SYT16: variants seen among roughly 807,000 people sequenced by gnomAD.
SYT16 encodes synaptotagmin 16, also known as synaptotagmin-16.
A neutral mutation model predicts 61.4 loss-of-function variants in SYT16; 42 were observed. That is an observed-to-expected ratio of 0.68 (90% CI 0.53 to 0.89). SYT16 has a LOEUF of 0.89. Ranked by LOEUF, SYT16 falls within the 40% of genes least tolerant of loss-of-function variation. The pLI is 0.00. For missense variants in SYT16, 804 were observed against 807.3 expected (o/e 1.00, Z 0.05); for synonymous variants, 314 against 302.3 (o/e 1.04, Z -0.40).
In SYT16 at chr14:61,856,552, T is replaced by G. The variant is rs1266080637; in HGVS notation, c.-325+43742T>G. Reference sequence around the variant, plus strand: ...AGAAACTGGAGGGCAGGAGATGCCATAAATTTAGAGGGGAAGACTGTGGAA... The same window carrying G: ...AGAAACTGGAGGGCAGGAGATGCCAGAAATTTAGAGGGGAAGACTGTGGAA... On this transcript the variant is annotated intron_variant, in intron 1 of 7. Transcript: ENST00000683842. Among the ~76,000 whole-genome samples, 3 of 152,170 alleles carry G rather than the reference T, an allele frequency of 2.0e-5. No homozygotes were observed. The East Asian group carries it at 5.8e-4, about 29-fold the overall frequency.
In SYT16 at chr14:62,075,247, C is replaced by T. The variant is rs183139358; in HGVS notation, c.849C>T (p.His283=). 1.3e-4 allele frequency: 217 copies of T among 1,613,826 alleles called. No individual in the cohort carries two copies. The African/African-American group carries it at 1.8e-3, about 13-fold the overall frequency. The change falls in exon 5 of 8, where the codon CAC becomes CAT. Residue 283 remains histidine, a synonymous_variant. Transcript: ENST00000683842. ...SPCERGDAKH[H]GTSHQESSVV... ...GTGAAAGAGGGGATGCCAAACACCA[C>T]GGCACATCTCACCAAGAGTCCAGTG...
At chr14:61,953,380 T>G (rs2050745957) in intron 1 of SYT16, among the ~76,000 whole-genome samples, 1 of 152,178 alleles carries the variant, frequency 6.6e-6, no homozygotes, top group South Asian at 2.1e-4. Flanking sequence ...AAATTTTTTT[T>G]TTTAATCTCC....
intron 3 of SYT16, among the ~76,000 whole-genome samples, chr14:62,047,268 C>G (rs77274241): frequency 6.6e-6 from 1 of 152,132 alleles, no homozygotes; most frequent in African/African-American, 2.4e-5. Flanking sequence ...TGATTTGGCT[C>G]TCTGTTTGTC....
At chr14:62,091,085 T>C (rs1279402111) in intron 7 of SYT16, among the ~76,000 whole-genome samples, 1 of 152,134 alleles carries the variant, frequency 6.6e-6, no homozygotes, top group Non-Finnish European at 1.5e-5. Flanking sequence ...TCAAATCATA[T>C]CACATGGTAT....
chr14:62,037,517 C>G (rs1160419541), intron 3 of SYT16, among the ~76,000 whole-genome samples: 6 of 152,104 alleles, frequency 3.9e-5, no homozygotes, highest in African/African-American at 1.4e-4. Flanking sequence ...AAAAACCAAA[C>G]CATCTAAAAC....
chr14:61,851,976 C>G (rs1378490413), intron 1 of SYT16, among the ~76,000 whole-genome samples: 1 of 152,124 alleles, frequency 6.6e-6, no homozygotes, highest in Non-Finnish European at 1.5e-5. Context: ...AAATCTTTGC[C>G]AATGCCTATA....
intron 1 of SYT16, among the ~76,000 whole-genome samples, chr14:61,949,599 G>T (rs2050588193): frequency 6.6e-6 from 1 of 152,136 alleles, no homozygotes; most frequent in Non-Finnish European, 1.5e-5. Context: ...TGAGACTATA[G>T]ATGCTCACCA....
At chr14:61,819,273 AATG>A (rs1361279789) in intron 1 of SYT16, among the ~76,000 whole-genome samples, 1 of 152,206 alleles carries the variant, frequency 6.6e-6, no homozygotes, top group Non-Finnish European at 1.5e-5. Flanking sequence ...TAGCATTATG[AATG>A]ATAAGATGGC....
At chr14:62,081,889 G>A (rs1196342200) in intron 6 of SYT16, among the ~76,000 whole-genome samples, 1 of 152,160 alleles carries the variant, frequency 6.6e-6, no homozygotes, top group Non-Finnish European at 1.5e-5. Flanking sequence ...AGGGAGCTCT[G>A]TAGGCTCTGG....
At chr14:61,872,504 T>A (rs564992061) in intron 1 of SYT16, among the ~76,000 whole-genome samples, 1 of 152,356 alleles carries the variant, frequency 6.6e-6, no homozygotes, top group East Asian at 1.9e-4. Flanking sequence ...AAGTCTTGAT[T>A]TGAAACATGT....
chr14:61,843,368 G>A (rs1264677337), intron 1 of SYT16, among the ~76,000 whole-genome samples: 2 of 152,136 alleles, frequency 1.3e-5, no homozygotes, highest in African/African-American at 4.8e-5. Flanking sequence ...TCTTAACTTT[G>A]TTGATTGTTT....
chr14:61,927,417 A>G lies in SYT16; in HGVS notation c.-324-42715A>G, dbSNP rs138094299. Among the ~76,000 whole-genome samples the G allele has an allele frequency of 6.6e-5, 10 of 152,334 alleles. No homozygotes were observed. The East Asian group carries it at 7.7e-4, about 12-fold the overall frequency. On this transcript the variant is annotated intron_variant, in intron 1 of 7. Transcript: ENST00000683842. Reference sequence around the variant, plus strand: ...GAAAGCACTTTTTTTATTAACCAAAATATTTATGGCCAGAGTCTGAGTTTA... The same window carrying G: ...GAAAGCACTTTTTTTATTAACCAAAGTATTTATGGCCAGAGTCTGAGTTTA...
intron 7 of SYT16, among the ~76,000 whole-genome samples, chr14:62,099,969 A>T (rs756731790): frequency 1.3e-5 from 2 of 152,198 alleles, no homozygotes; most frequent in African/African-American, 4.8e-5. Context: ...GTGAGAAAAG[A>T]ATTCTCCAAT....
chr14:61,865,007 T>C lies in SYT16; in HGVS notation c.-325+52197T>C, dbSNP rs1594784056. ...CTCTTACAGTGGCAGCCTGTTGCTC[T>C]TTGATGCCCTGAGAGGGCATTTCTG... On this transcript the variant is annotated intron_variant, in intron 1 of 7. Transcript: ENST00000683842. 1.3e-5 allele frequency: 18 copies of C among 1,413,456 alleles called. No individual in the cohort carries two copies. In the East Asian group the frequency reaches 4.1e-4, roughly 32 times the overall value. The allele number at this position is 1,413,456 out of a possible 1,614,324, so 87.6% of individuals were successfully genotyped here. A position where few individuals can be genotyped will look rare whatever the true frequency, so the allele number is the denominator to read the frequency against.
rs945849413 is a variant in SYT16, at chr14:62,106,853, C to G, written c.*6146C>G. Reference sequence around the variant, plus strand: ...TGAAACAGCTCGAGGCTTTACAGAACAAGCTCATAGGCAGTCATGGAGATC... The same window carrying G: ...TGAAACAGCTCGAGGCTTTACAGAAGAAGCTCATAGGCAGTCATGGAGATC... On this transcript the variant is annotated 3_prime_UTR_variant, in exon 8 of 8. Coordinates refer to ENST00000683842, the MANE Select transcript of SYT16 (RefSeq NM_001367656.1). 1 of 152,114 alleles carries G rather than the reference C, an allele frequency of 6.6e-6. No individual in the cohort carries two copies. The highest frequency in any genetic ancestry group is 2.1e-4 in the South Asian group (1 of 4,826). The allele number at this position is 152,114 out of a possible 1,614,324, so 9.4% of individuals were successfully genotyped here.
At chr14:61,966,555 C>T (rs2051322966) in intron 1 of SYT16, among the ~76,000 whole-genome samples, 2 of 151,836 alleles carry the variant, frequency 1.3e-5, no homozygotes, top group Non-Finnish European at 2.9e-5. Flanking sequence ...TTATATTTGC[C>T]ATGTAGATAA....
At chr14:61,993,678 C>A (rs562638133) in intron 2 of SYT16, among the ~76,000 whole-genome samples, 1 of 151,754 alleles carries the variant, frequency 6.6e-6, no homozygotes, top group African/African-American at 2.4e-5. Context: ...CTTTGAGTGG[C>A]GAAATGGGAT....
chr14:62,065,278 T>C (rs564423309), intron 3 of SYT16, among the ~76,000 whole-genome samples: 2 of 152,342 alleles, frequency 1.3e-5, no homozygotes, highest in South Asian at 4.1e-4. Flanking sequence ...CCAACTTTGG[T>C]AATGTCTTAA....
At position 62,036,820 on chromosome 14, in the gene SYT16, C is replaced by T. The variant is rs182056284; in HGVS notation, c.524-32783C>T. Among the ~76,000 whole-genome samples, 237 of 152,232 alleles carry T rather than the reference C, an allele frequency of 1.6e-3. 1 individual carries two copies. Among genetic ancestry groups the T allele is most frequent in the African/African-American group, 4.7e-3 (196 of 41,542 alleles). On this transcript the variant is annotated intron_variant, in intron 3 of 7. Coordinates refer to ENST00000683842, the MANE Select transcript of SYT16 (RefSeq NM_001367656.1). ...CCATGACACATGGGGATTATGGGAG[C>T]TACAATTCAAGATGAGATTTGGGTG...
Sources: allele counts gnomAD v4.1 joint callset (sites outside exome capture counted in the v4.1 genomes callset), GRCh38; gene constraint gnomAD v4.1.1; transcripts MANE v1.5; gene names NCBI Gene and HGNC (gene_info 2026-07-23, HGNC 2026-07-21).